PON2: variants seen among roughly 807,000 people sequenced by gnomAD.
PON2 encodes the protein paraoxonase 2.
PON2 carries 27 observed loss-of-function variants against 36.6 expected under a neutral mutation model. That is an observed-to-expected ratio of 0.74 (90% CI 0.54 to 1.02). The LOEUF (loss-of-function observed/expected upper bound fraction) is 1.02, where lower values mean the gene tolerates loss of function less well. Among genes scored for constraint, PON2 ranks in the 50% least tolerant of loss-of-function variants. The pLI is 0.00. For missense variants in PON2, 363 were observed against 421.1 expected, an observed-to-expected ratio of 0.86 and a Z score of 1.21; for synonymous variants, 149 against 156.3, an observed-to-expected ratio of 0.95 and a Z score of 0.35.
At chr7:95,420,119 A>T (rs1789159193) in intron 2 of PON2, among the ~76,000 whole-genome samples, 1 of 144,078 alleles carries the variant, frequency 6.9e-6, no homozygotes, top group Non-Finnish European at 1.5e-5. Context: ...GAAAGAAAAG[A>T]CATATCTATA....
At chr7:95,423,206 C>G (rs1220130893) in intron 2 of PON2, among the ~76,000 whole-genome samples, 1 of 150,792 alleles carries the variant, frequency 6.6e-6, no homozygotes, top group Non-Finnish European at 1.5e-5. Flanking sequence ...CCTGTAGTCT[C>G]AGCTACCTGG....
chr7:95,417,727 C>CACACACACACACT (rs1562788872), intron 2 of PON2, among the ~76,000 whole-genome samples: 129 of 80,262 alleles, frequency 1.6e-3, no homozygotes, highest in African/African-American at 6.5e-3. Context: ...ACACACACAC[C>CACACACACACACT]GAGAGAGAAT....
intron 2 of PON2, among the ~76,000 whole-genome samples, chr7:95,422,898 T>C (rs1789226985): frequency 6.6e-6 from 1 of 152,140 alleles, no homozygotes; most frequent in Non-Finnish European, 1.5e-5. Context: ...AATCACAAAC[T>C]CATCATTATA....
intron 3 of PON2, chr7:95,412,736 T>G: frequency 4.1e-6 from 2 of 487,922 alleles, no homozygotes; most frequent in East Asian, 4.0e-5. Context: ...GACTAGGTGA[T>G]TCCAGGGAGA....
At chr7:95,411,625 T>C in intron 5 of PON2, 28 bp downstream of exon 5, 3 of 1,613,416 alleles carry the variant, frequency 1.9e-6, no homozygotes, top group Non-Finnish European at 1.7e-6. Context: ...TGGGGATAAA[T>C]TAGAGAAGGA....
At chr7:95,419,273 G>C (rs766184574) in intron 2 of PON2, among the ~76,000 whole-genome samples, 3 of 152,122 alleles carry the variant, frequency 2.0e-5, no homozygotes, top group Non-Finnish European at 4.4e-5. Flanking sequence ...TTAGCTCCCT[G>C]GGTGCACTCA....
In PON2 at chr7:95,424,557, C is replaced by G. The variant is rs760168941; in HGVS notation, c.103G>C (p.Glu35Gln). ...TGGCAGTGTGGAAGGTCTACAGATT[C>G]TACTTCTCTGGAGGCTTTAAGTCGA... The part of the protein sequence containing the change: ...RNRLKASREV[E>Q]SVDLPHCHLI... Residue 35 changes from glutamate to glutamine, a missense_variant, in exon 2 of 9, where the codon GAA (glutamate) becomes CAA (glutamine). Coordinates refer to ENST00000222572, the MANE Select transcript of PON2 (RefSeq NM_000305.3). The G allele has an allele frequency of 6.2e-7, 1 of 1,613,154 alleles. No homozygotes were observed. The highest frequency in any genetic ancestry group is 8.5e-7 in the Non-Finnish European group (1 of 1,179,588).
At chr7:95,429,200 G>C in intron 1 of PON2, among the ~76,000 whole-genome samples, 2 of 100,274 alleles carry the variant, frequency 2.0e-5, no homozygotes, top group African/African-American at 4.1e-5. Context: ...TACCCCACAA[G>C]AGGCCCCGGT....
At chr7:95,420,005 C>T (rs1789156895) in intron 2 of PON2, among the ~76,000 whole-genome samples, 1 of 152,180 alleles carries the variant, frequency 6.6e-6, no homozygotes, top group Non-Finnish European at 1.5e-5. Flanking sequence ...CTGGTTCACT[C>T]ATCAAGTATA....
At chr7:95,407,646 C>CA (rs1475040726) in intron 6 of PON2, among the ~76,000 whole-genome samples, 1 of 152,104 alleles carries the variant, frequency 6.6e-6, no homozygotes, top group Non-Finnish European at 1.5e-5. Flanking sequence ...CTCTGTTGAG[C>CA]AATTATGTGT....
chr7:95,411,746 G>A lies in PON2; in HGVS notation c.401C>T (p.Pro134Leu). The A allele has an allele frequency of 6.2e-7, 1 of 1,613,448 alleles. No homozygotes were observed. Among genetic ancestry groups the A allele is most frequent in the Non-Finnish European group, 8.5e-7 (1 of 1,179,514 alleles). ...AATTTCCACTGTATTCTTGAATTCT[G>A]GGTGGTTTACAACAAAGAGATAAAC... ...DTVYLFVVNHPEFKNTVEIFK... is the reference protein window; with the variant it reads ...DTVYLFVVNHLEFKNTVEIFK... The change falls in exon 5 of 9, where the codon CCA becomes CTA. Residue 134 changes from proline (P) to leucine (L), a missense_variant. By Grantham distance (98) the Pro-to-Leu change is moderately conservative (BLOSUM62 -3). Coordinates refer to ENST00000222572, the MANE Select transcript of PON2 (RefSeq NM_000305.3).
chr7:95,411,626 T>C lies in PON2; in HGVS notation c.494+27A>G, dbSNP rs2116462673. 4 of 1,613,478 alleles carry C rather than the reference T, an allele frequency of 2.5e-6. No homozygotes were observed. In the East Asian group the frequency reaches 8.9e-5, roughly 36 times the overall value. On this transcript the variant is annotated intron_variant, in intron 5 of 8. Transcript: ENST00000222572. ...TTGTTTGCAAATGCTGGGGATAAAT[T>C]AGAGAAGGAACAAAATGAGGAAGTA...
intron 8 of PON2, 68 bp downstream of exon 8, chr7:95,406,051 C>T: frequency 6.6e-6 from 10 of 1,505,726 alleles, no homozygotes; most frequent in Non-Finnish European, 9.2e-6. Context: ...ATCCCTGTGA[C>T]AATTTATTGT....
At chr7:95,409,794 C>T (rs1788876570) in intron 6 of PON2, 107 bp downstream of exon 6, 3 of 799,266 alleles carry the variant, frequency 3.8e-6, no homozygotes, top group African/African-American at 1.8e-5. Flanking sequence ...TATAATATAC[C>T]ATAAATGTCA....
Position 95,412,430 on chromosome 7 carries a change from T to C in PON2, c.249A>G (p.Gly83=), listed in dbSNP as rs148710883. The C allele has an allele frequency of 5.0e-6, 8 of 1,614,012 alleles. No homozygotes were observed. The highest frequency in any genetic ancestry group is 6.8e-6 in the Non-Finnish European group (8 of 1,180,000). ...GLHSFAPDKP[G]GILMMDLKEE... The stretch of plus-strand genomic sequence containing the variant: ...CTTTTAGATCCATCATTAGTATTCC[T>C]CCAGGCTTATCTGGTGCAAAGCTGT... The change falls in exon 4 of 9, where the codon GGA becomes GGG. Residue 83 remains glycine (G), a synonymous_variant. Coordinates refer to ENST00000222572, the MANE Select transcript of PON2 (RefSeq NM_000305.3).
chr7:95,433,217 T>C lies in PON2; in HGVS notation c.74+1661A>G, dbSNP rs78118557. ...AAAAATCTCTGGTAGGTAGACACCA[T>C]AGTTTATAAATTACCAACTCAAATT... is the stretch of plus-strand genomic sequence containing the variant. On this transcript the variant is annotated intron_variant, in intron 1 of 8. Transcript: ENST00000222572. Among the ~76,000 whole-genome samples, 1,034 of 152,320 alleles carry C rather than the reference T, an allele frequency of 6.8e-3. 3 individuals carry two copies. The highest frequency in any genetic ancestry group is 0.01 in the Non-Finnish European group (714 of 68,034).
intron 6 of PON2, 122 bp downstream of exon 6, chr7:95,409,779 A>C (rs948490328): frequency 2.2e-5 from 12 of 552,566 alleles, no homozygotes; most frequent in African/African-American, 5.9e-5. Flanking sequence ...TCTATATATT[A>C]TATGTATAAT....
chr7:95,407,647 AATT>A (rs1227856217), intron 6 of PON2, among the ~76,000 whole-genome samples: 1 of 152,204 alleles, frequency 6.6e-6, no homozygotes, highest in South Asian at 2.1e-4. Context: ...TCTGTTGAGC[AATT>A]ATGTGTGAAA....
At position 95,410,235 on chromosome 7, in the gene PON2, C is replaced by T. The variant is rs558613340; in HGVS notation, c.495-134G>A. On this transcript the variant is annotated intron_variant, in intron 5 of 8. Coordinates refer to ENST00000222572, the MANE Select transcript of PON2 (RefSeq NM_000305.3). ...AGAGGAAAAGACGAGCTAAAAATCA[C>T]GACTATAGTCATATACAATATACTA... 4.4e-4 allele frequency: 328 copies of T among 737,938 alleles called. 2 individuals carry two copies. Among genetic ancestry groups the T allele is most frequent in the African/African-American group, 2.2e-3 (123 of 56,916 alleles). The allele number at this position is 737,938 out of a possible 1,614,324, so 45.7% of individuals were successfully genotyped here. A position where few individuals can be genotyped will look rare whatever the true frequency, so the allele number is the denominator to read the frequency against.
Sources: allele counts gnomAD v4.1 joint callset (sites outside exome capture counted in the v4.1 genomes callset), GRCh38; gene constraint gnomAD v4.1.1; transcripts MANE v1.5; gene names NCBI Gene and HGNC (gene_info 2026-07-23, HGNC 2026-07-21).